Variants in OXNAD1 observed in about 807,000 individuals in gnomAD.
OXNAD1 encodes oxidoreductase NAD binding domain containing 1, also known as oxidoreductase NAD-binding domain-containing protein 1.
OXNAD1 carries 34 observed loss-of-function variants against 32.9 expected under a neutral mutation model. That is an observed-to-expected ratio of 1.03 (90% CI 0.79 to 1.38). The LOEUF (loss-of-function observed/expected upper bound fraction) is 1.38. Among genes scored for constraint, OXNAD1 ranks in the 40% most tolerant of loss-of-function variants. The probability of loss-of-function intolerance (pLI) is 0.00; values close to 1 mark genes in which losing one functional copy is unlikely to be tolerated. For synonymous variants in OXNAD1, 134 were observed against 135.2 expected (o/e 0.99, Z 0.06); for missense variants, 407 against 379.4 (o/e 1.07, Z -0.60).
In OXNAD1 at chr3:16,317,322, T is replaced by C; in HGVS notation, c.*30+13730T>C. The stretch of plus-strand genomic sequence containing the variant: ...CTTGTTTGCATTCATACCCACACCA[T>C]GTCTGAGTGAGACATACAATTCCCA... On this transcript the variant is annotated intron_variant, in intron 9 of 9. Transcript: ENST00000435829. This position sits in a 1 kb window ranked among gnomAD's most constrained non-coding sequence, Gnocchi z 4.3. 7.4e-7 allele frequency: 1 copy of C among 1,351,238 alleles called. No homozygotes were observed. Among genetic ancestry groups the C allele is most frequent in the Admixed American group, 2.1e-5 (1 of 48,516 alleles). 83.7% of individuals were successfully genotyped at this position (1,351,238 alleles called of 1,614,324 possible).
At position 16,298,536 on chromosome 3, in the gene OXNAD1, T is replaced by C. The variant is rs1211845948; in HGVS notation, c.433-3090T>C. 2.6e-5 allele frequency among the ~76,000 whole-genome samples: 4 copies of C among 152,168 alleles called. No individual in the cohort carries two copies. Among genetic ancestry groups the C allele is most frequent in the African/African-American group, 9.7e-5 (4 of 41,438 alleles). On this transcript the variant is annotated intron_variant, in intron 6 of 8. Coordinates refer to ENST00000285083, the MANE Select transcript of OXNAD1 (RefSeq NM_138381.5). The surrounding 1 kb of genome is among the most constrained non-coding windows in gnomAD (Gnocchi z 5.1). Reference sequence around the variant, plus strand: ...TGCCCAGTGGGAGTTGCAAACAGCCTTTATGAAGTCAGATTTTTCTTGGAA... The same window carrying C: ...TGCCCAGTGGGAGTTGCAAACAGCCCTTATGAAGTCAGATTTTTCTTGGAA...
At chr3:16,332,510 G>A (rs145278180) in intron 9 of OXNAD1, among the ~76,000 whole-genome samples, 86 of 151,042 alleles carry the variant, frequency 5.7e-4, no homozygotes, top group African/African-American at 1.8e-3. Context: ...TTATCTCCAC[G>A]GTTCCCAGGT....
Position 16,303,613 on chromosome 3 carries a change from CTCCTG to C in OXNAD1, c.*56_*60del. On this transcript the variant is annotated 3_prime_UTR_variant, in exon 9 of 9. Transcript: ENST00000285083. This position sits in a 1 kb window ranked among gnomAD's most constrained non-coding sequence, Gnocchi z 4.8. ...AAGAGGTGAGATCTACTCAGGAGAG[CTCCTG>C]TCCTTTGTGGCATGATTAATTTTTT... 1 of 1,566,548 alleles carries C rather than the reference CTCCTG, an allele frequency of 6.4e-7. No homozygotes were observed. The highest frequency in any genetic ancestry group is 8.6e-7 in the Non-Finnish European group (1 of 1,157,024).
intron 9 of OXNAD1, chr3:16,326,855 AGTCT>A (rs1202779357): frequency 6.2e-7 from 1 of 1,613,994 alleles, no homozygotes. Context: ...AGGGGCACGT[AGTCT>A]GTCTGCACTT....
chr3:16,301,683 C>A lies in OXNAD1; in HGVS notation c.490C>A (p.Gln164Lys), dbSNP rs1315201522. ...GGGTGGAGAGTTCTTCTTTGACCCT[C>A]AGCCTGCGGATGCCTCTAGAAACCT... ...RVGGEFFFDP[Q>K]PADASRNLVL... Residue 164 changes from glutamine to lysine, a missense_variant, in exon 7 of 9, where the codon CAG (glutamine) becomes AAG (lysine). By Grantham distance (53) the Gln-to-Lys change is moderately conservative. Transcript: ENST00000285083. The surrounding 1 kb of genome is among the most constrained non-coding windows in gnomAD (Gnocchi z 4.1). 2 of 1,613,958 alleles carry A rather than the reference C, an allele frequency of 1.2e-6. No individual in the cohort carries two copies. The highest frequency in any genetic ancestry group is 1.3e-5 in the African/African-American group (1 of 75,040).
chr3:16,294,216 T>C (rs1362183764), intron 5 of OXNAD1, among the ~76,000 whole-genome samples: 3 of 152,020 alleles, frequency 2.0e-5, no homozygotes, highest in Admixed American at 1.3e-4. Context: ...TTTTTTTTTT[T>C]CTTGACATGA....
At chr3:16,296,201 C>T (rs1382142439) in intron 6 of OXNAD1, among the ~76,000 whole-genome samples, 1 of 152,172 alleles carries the variant, frequency 6.6e-6, no homozygotes, top group African/African-American at 2.4e-5. Flanking sequence ...CTGAAGAGAG[C>T]TTTTATGTTG....
At chr3:16,286,542 C>A in intron 5 of OXNAD1, 94 bp downstream of exon 5, 1 of 958,340 alleles carries the variant, frequency 1.0e-6, no homozygotes, top group Non-Finnish European at 1.6e-6. Flanking sequence ...GCTAGCCATT[C>A]CCTTGAGGAA....
downstream of OXNAD1, among the ~76,000 whole-genome samples, chr3:16,342,236 C>T (rs1417195840): frequency 6.6e-6 from 1 of 151,980 alleles, no homozygotes; most frequent in African/African-American, 2.4e-5. The surrounding 1 kb of genome is among the most constrained non-coding windows in gnomAD (Gnocchi z 4.0). Context: ...CACGAGTCCA[C>T]TTTTTGTCTC....
In OXNAD1 at chr3:16,284,580, T is replaced by C. The variant is rs111542518; in HGVS notation, c.184-1762T>C. ...GTATTATGGGATCACCTTGTATATG[T>C]GCTTTGTCGTTGACCAAAATGTCGT... On this transcript the variant is annotated intron_variant, in intron 4 of 8. Coordinates refer to ENST00000285083, the MANE Select transcript of OXNAD1 (RefSeq NM_138381.5). The surrounding 1 kb of genome is among the most constrained non-coding windows in gnomAD (Gnocchi z 4.1). Among the ~76,000 whole-genome samples the C allele has an allele frequency of 0.031, 4,774 of 152,372 alleles. 106 individuals are homozygous for C. Among genetic ancestry groups the C allele is most frequent in the Middle Eastern group, 0.082 (24 of 294 alleles).
Position 16,314,613 on chromosome 3 carries a change from G to A in OXNAD1, c.*30+11021G>A, listed in dbSNP as rs1490463293. 6.6e-6 allele frequency: 1 copy of A among 152,242 alleles called. No homozygotes were observed. The highest frequency in any genetic ancestry group is 1.9e-4 in the East Asian group (1 of 5,196). The allele number at this position is 152,242 out of a possible 1,614,324, so 9.4% of individuals were successfully genotyped here. A position where few individuals can be genotyped will look rare whatever the true frequency, so the allele number is the denominator to read the frequency against. On this transcript the variant is annotated intron_variant, in intron 9 of 9. Transcript: ENST00000435829. This position sits in a 1 kb window ranked among gnomAD's most constrained non-coding sequence, Gnocchi z 4.4. ...TGATTTTTGCCAGAATCAGCAGGGTGTAGAGAAGCAAGGGAGAAAAAACAA... is the reference window on the plus strand; with the variant it reads ...TGATTTTTGCCAGAATCAGCAGGGTATAGAGAAGCAAGGGAGAAAAAACAA...
At chr3:16,273,033 A>T in intron 4 of OXNAD1, among the ~76,000 whole-genome samples, 1 of 152,180 alleles carries the variant, frequency 6.6e-6, no homozygotes. Context: ...AGAGCCATAG[A>T]CAGTATGTAT....
Position 16,327,595 on chromosome 3 carries a change from T to G in OXNAD1, c.*31-9517T>G, listed in dbSNP as rs1574981413. On this transcript the variant is annotated intron_variant, in intron 9 of 9. Coordinates refer to the OXNAD1 transcript ENST00000435829. This position sits in a 1 kb window ranked among gnomAD's most constrained non-coding sequence, Gnocchi z 4.2. The stretch of plus-strand genomic sequence containing the variant: ...TAACACAGTGAAACCCCGTCTCTAC[T>G]AAAAATACAAAAAAAATTAGCCAGG... Among the ~76,000 whole-genome samples the G allele has an allele frequency of 6.6e-6, 1 of 151,664 alleles. No individual in the cohort carries two copies. The highest frequency in any genetic ancestry group is 2.4e-5 in the African/African-American group (1 of 41,230).
exon 10 of OXNAD1, chr3:16,349,334 C>A (rs1277932473): frequency 2.0e-5 from 3 of 152,228 alleles, no homozygotes; most frequent in Non-Finnish European, 4.4e-5. Context: ...TAAGGAAAAC[C>A]ACTGTGGCTG....
chr3:16,345,819 C>A lies in OXNAD1; in HGVS notation c.*31-3357C>A, dbSNP rs59320074. Among the ~76,000 whole-genome samples, 1 of 83,824 alleles carries A rather than the reference C, an allele frequency of 1.2e-5. No individual in the cohort carries two copies. The highest frequency in any genetic ancestry group is 2.6e-5 in the Non-Finnish European group (1 of 38,874). The allele number at this position is 83,824 out of a possible 152,430, so 55.0% of individuals were successfully genotyped here. On this transcript the variant is annotated intron_variant, in intron 9 of 9. Transcript: ENST00000606098. The surrounding 1 kb of genome is among the most constrained non-coding windows in gnomAD (Gnocchi z 5.2). ...GTGTGTGTGTGTGTGTGTGTGTGTGCGCGCGCGCGTGCGCGCACGCGCACA... is the reference window on the plus strand; with the variant it reads ...GTGTGTGTGTGTGTGTGTGTGTGTGAGCGCGCGCGTGCGCGCACGCGCACA...
chr3:16,317,888 G>A lies in OXNAD1; in HGVS notation c.*30+14296G>A, dbSNP rs6784504. 0.077 allele frequency among the ~76,000 whole-genome samples: 11,650 copies of A among 152,200 alleles called. 1,449 individuals carry two copies. Among genetic ancestry groups the A allele is most frequent in the African/African-American group, 0.27 (11,027 of 41,496 alleles). On this transcript the variant is annotated intron_variant, in intron 9 of 9. Transcript: ENST00000435829. The surrounding 1 kb of genome is among the most constrained non-coding windows in gnomAD (Gnocchi z 4.3). ...TTTCCTGATCCCAATTTGGGATAAC[G>A]CAAATGCCATCCCAGCTCCAAGCCA...
At chr3:16,330,335 C>T (rs759597939) in intron 9 of OXNAD1, among the ~76,000 whole-genome samples, 5 of 152,246 alleles carry the variant, frequency 3.3e-5, no homozygotes, top group East Asian at 1.9e-4. Context: ...TATCACAGCC[C>T]GTTTGCATAT....
rs2064918713 is a variant in OXNAD1 at position 16,271,278 on chromosome 3, A to G, written c.119+207A>G. 3.3e-6 allele frequency: 2 copies of G among 597,522 alleles called. No homozygotes were observed. Among genetic ancestry groups the G allele is most frequent in the African/African-American group, 3.8e-5 (2 of 53,126 alleles). 37.0% of individuals were successfully genotyped at this position (597,522 alleles called of 1,614,324 possible). On this transcript the variant is annotated intron_variant, in intron 3 of 8. Transcript: ENST00000285083. The surrounding 1 kb of genome is among the most constrained non-coding windows in gnomAD (Gnocchi z 4.6). ...GAGTGCAGTGGCACGATCTTAGCTCACTGCAACCTCCACCTCCTGGATTCA... is the reference window on the plus strand; with the variant it reads ...GAGTGCAGTGGCACGATCTTAGCTCGCTGCAACCTCCACCTCCTGGATTCA...
rs562945514 is a variant in OXNAD1 at position 16,299,912 on chromosome 3, T to A, written c.433-1714T>A. 6.6e-6 allele frequency among the ~76,000 whole-genome samples: 1 copy of A among 152,366 alleles called. No individual in the cohort carries two copies. The highest frequency in any genetic ancestry group is 1.5e-5 in the Non-Finnish European group (1 of 68,038). ...CTGCAATGACCAAAATTCCTTCTTA[T>A]GTAGAGCCAGATACTCGGGAGTTCC... On this transcript the variant is annotated intron_variant, in intron 6 of 8. Transcript: ENST00000285083. This position sits in a 1 kb window ranked among gnomAD's most constrained non-coding sequence, Gnocchi z 4.4.
Sources: allele counts gnomAD v4.1 joint callset (sites outside exome capture counted in the v4.1 genomes callset), GRCh38; gene constraint gnomAD v4.1.1; non-coding constraint Gnocchi (gnomAD v3.1); transcripts MANE v1.5; gene names NCBI Gene and HGNC (gene_info 2026-07-23, HGNC 2026-07-21).